The following ADCY5 variants were observed in gnomAD, a reference collection of about 807,000 sequenced individuals.
ADCY5 encodes the protein adenylate cyclase 5.
Under a neutral mutation model 119.7 loss-of-function variants are expected in ADCY5, and 30 were observed. The observed-to-expected ratio is 0.25, with a 90% CI of 0.19 to 0.34. ADCY5 has a LOEUF of 0.34. Among genes scored for constraint, ADCY5 ranks in the 10% least tolerant of loss-of-function variants. The probability of loss-of-function intolerance (pLI) is 1.00; values close to 1 mark genes in which losing one functional copy is unlikely to be tolerated. For synonymous variants in ADCY5, 753 were observed against 762.2 expected (o/e 0.99, Z 0.20); for missense variants, 1,324 against 1,775.2 (o/e 0.75, Z 4.57).
chr3:123,434,237 G>T (rs1172104085), intron 1 of ADCY5, among the ~76,000 whole-genome samples: 2 of 152,214 alleles, frequency 1.3e-5, no homozygotes, highest in Non-Finnish European at 2.9e-5. Flanking sequence ...CCTGAATGGG[G>T]TCGGTTCACC....
chr3:123,289,775 G>A lies in ADCY5; in HGVS notation c.3507C>T (p.Ser1169=). Residue 1169 remains serine (S), a synonymous_variant, in exon 19 of 21, where the codon TCC becomes TCT. Coordinates refer to ENST00000462833, the MANE Select transcript of ADCY5 (RefSeq NM_183357.3). ...MDQMKYINEH[S]FNNFQMKIGL... is the part of the protein sequence containing the mutation. The stretch of plus-strand genomic sequence containing the variant: ...CGATCTTCATCTGGAAGTTGTTGAA[G>A]GAGTGCTCATTGATGTACTTCATCT... 1 of 1,614,080 alleles carries A rather than the reference G, an allele frequency of 6.2e-7. No homozygotes were observed.
At chr3:123,325,792 C>G (rs763141132) in intron 7 of ADCY5, among the ~76,000 whole-genome samples, 13 of 152,364 alleles carry the variant, frequency 8.5e-5, no homozygotes, top group African/African-American at 3.1e-4. Flanking sequence ...AGATTCTATC[C>G]TGGGTGCCCT....
At chr3:123,423,010 A>G (rs1945331716) in intron 1 of ADCY5, among the ~76,000 whole-genome samples, 1 of 152,114 alleles carries the variant, frequency 6.6e-6, no homozygotes, top group Non-Finnish European at 1.5e-5. Flanking sequence ...CACAGACAGG[A>G]GAGACTTCCC....
At chr3:123,443,492 CT>C (rs1232063407) in intron 1 of ADCY5, among the ~76,000 whole-genome samples, 1 of 152,172 alleles carries the variant, frequency 6.6e-6, no homozygotes, top group Non-Finnish European at 1.5e-5. Context: ...ACATGCACCC[CT>C]GAACAGCCAC....
At chr3:123,308,553 C>T (rs900835008) in intron 12 of ADCY5, among the ~76,000 whole-genome samples, 5 of 151,944 alleles carry the variant, frequency 3.3e-5, no homozygotes, top group African/African-American at 1.2e-4. Context: ...CTCTTGGCCA[C>T]GCGCAGTGGC....
intron 1 of ADCY5, among the ~76,000 whole-genome samples, chr3:123,358,587 G>A (rs1181447426): frequency 1.1e-4 from 16 of 152,128 alleles, no homozygotes; most frequent in African/African-American, 2.9e-4. Flanking sequence ...GCAACAAAGC[G>A]AGACTCTGAC....
At chr3:123,321,401 G>C (rs1409432554) in intron 8 of ADCY5, among the ~76,000 whole-genome samples, 3 of 152,224 alleles carry the variant, frequency 2.0e-5, no homozygotes, top group Non-Finnish European at 4.4e-5. Context: ...TGTTCTATCA[G>C]AGTTGAGGGT....
intron 13 of ADCY5, 63 bp from the exon 14 acceptor site, chr3:123,303,282 C>T (rs1939962316): frequency 7.8e-6 from 12 of 1,537,096 alleles, no homozygotes; most frequent in South Asian, 4.7e-5. Flanking sequence ...TAGAGCAGCC[C>T]AGCCCACCAG....
chr3:123,347,461 T>G (rs180700773), intron 3 of ADCY5, among the ~76,000 whole-genome samples: 70 of 152,216 alleles, frequency 4.6e-4, no homozygotes, highest in Admixed American at 1.1e-3. Context: ...AGTCTATGCT[T>G]TCCATCTCTC....
At chr3:123,381,170 T>C (rs1243015049) in intron 1 of ADCY5, among the ~76,000 whole-genome samples, 1 of 152,252 alleles carries the variant, frequency 6.6e-6, no homozygotes, top group Non-Finnish European at 1.5e-5. Flanking sequence ...TGGAGCGCAG[T>C]AGTCTCTTTG....
chr3:123,300,210 A>T lies in ADCY5; in HGVS notation c.2810T>A (p.Leu937Gln). 6.2e-7 allele frequency: 1 copy of T among 1,613,846 alleles called. No individual in the cohort carries two copies. The highest frequency in any genetic ancestry group is 8.5e-7 in the Non-Finnish European group (1 of 1,180,032). ...ISCIGKLVLM[L>Q]AIELIYVLIV... Reference sequence around the variant, plus strand: ...GAGCACGTAGATGAGCTCGATGGCCAGCATGAGCACCAGCTTCCCGATGCA... The same window carrying T: ...GAGCACGTAGATGAGCTCGATGGCCTGCATGAGCACCAGCTTCCCGATGCA... Residue 937 changes from leucine to glutamine, a missense_variant, in exon 15 of 21, where the codon CTG becomes CAG. Around this residue, in one of 6 missense-constraint regions of ADCY5, gnomAD observed 424 missense variants for 546.8 expected, o/e 0.78. Transcript: ENST00000462833.
intron 2 of ADCY5, among the ~76,000 whole-genome samples, chr3:123,350,128 C>T (rs1942763836): frequency 6.6e-6 from 1 of 152,224 alleles, no homozygotes; most frequent in African/African-American, 2.4e-5. Context: ...CATCACCCTC[C>T]TCCTCCGCTG....
At chr3:123,354,277 C>A (rs76450666) in intron 1 of ADCY5, among the ~76,000 whole-genome samples, 2 of 152,198 alleles carry the variant, frequency 1.3e-5, no homozygotes, top group African/African-American at 2.4e-5. Context: ...CTTGAGCCCA[C>A]GGCTTCTGGA....
intron 1 of ADCY5, among the ~76,000 whole-genome samples, chr3:123,441,262 C>T (rs558805403): frequency 1.1e-4 from 17 of 152,310 alleles, no homozygotes; most frequent in Admixed American, 7.8e-4. Context: ...CTTCCCAGTG[C>T]GGCCTGTGAA....
chr3:123,431,919 T>C (rs998401514), intron 1 of ADCY5, among the ~76,000 whole-genome samples: 23 of 152,172 alleles, frequency 1.5e-4, no homozygotes, highest in Admixed American at 4.6e-4. Context: ...CTCAGGGCAG[T>C]AGTTCTCAAT....
intron 3 of ADCY5, among the ~76,000 whole-genome samples, chr3:123,336,687 C>A (rs1247759658): frequency 6.6e-6 from 1 of 152,214 alleles, no homozygotes; most frequent in African/African-American, 2.4e-5. Context: ...GGCTCCCCTG[C>A]ACTCCAACCT....
chr3:123,353,751 C>T (rs1161246103), intron 1 of ADCY5, among the ~76,000 whole-genome samples: 2 of 152,170 alleles, frequency 1.3e-5, no homozygotes, highest in Admixed American at 6.5e-5. Context: ...CAGATGACTC[C>T]TACGCTCTTC....
chr3:123,341,514 G>A (rs528409419), intron 3 of ADCY5, among the ~76,000 whole-genome samples: 6 of 151,902 alleles, frequency 3.9e-5, no homozygotes, highest in African/African-American at 9.7e-5. Flanking sequence ...TGGGTATACC[G>A]TTTCAGCTTG....
chr3:123,295,701 C>T (rs1006667001), intron 17 of ADCY5, among the ~76,000 whole-genome samples: 6 of 152,164 alleles, frequency 3.9e-5, no homozygotes, highest in Non-Finnish European at 7.4e-5. Flanking sequence ...TTCCTTCCCC[C>T]GTCCCAGATG....
Sources: gnomAD v4.1 joint callset for allele counts (sites outside exome capture counted in the v4.1 genomes callset) on GRCh38, gnomAD v4.1.1 for gene constraint, gnomAD v4.1.1 regional missense constraint, MANE v1.5 for transcripts, NCBI Gene and HGNC (gene_info 2026-07-23, HGNC 2026-07-21) for gene names.